The following TTC12 variants were observed in gnomAD, a reference collection of about 807,000 sequenced individuals.
TTC12 encodes the protein tetratricopeptide repeat protein 12.
Under a neutral mutation model 90.1 loss-of-function variants are expected in TTC12, and 70 were observed. That is an observed-to-expected ratio of 0.78 (90% CI 0.64 to 0.95). The LOEUF (loss-of-function observed/expected upper bound fraction) is 0.95, where lower values mean the gene tolerates loss of function less well. TTC12 is among the 40% of genes least tolerant of loss of function. The pLI, the probability that TTC12 is intolerant of heterozygous loss-of-function variation, is 0.00. For missense variants in TTC12, 819 were observed against 846.1 expected, an observed-to-expected ratio of 0.97 and a Z score of 0.40; for synonymous variants, 296 against 311.5, an observed-to-expected ratio of 0.95 and a Z score of 0.53.
intron 13 of TTC12, among the ~76,000 whole-genome samples, chr11:113,348,997 C>G (rs1565610593): frequency 6.6e-6 from 1 of 152,250 alleles, no homozygotes; most frequent in African/African-American, 2.4e-5. Context: ...CCTCTGTACC[C>G]ATCCCTGTGG....
chr11:113,320,807 G>A (rs782301890), intron 2 of TTC12, among the ~76,000 whole-genome samples: 13 of 152,208 alleles, frequency 8.5e-5, no homozygotes, highest in Non-Finnish European at 1.3e-4. Context: ...AGGGGTTTGA[G>A]CAGTGGTGGT....
chr11:113,334,886 C>CT, intron 7 of TTC12, 80 bp from the exon 8 acceptor site: 1 of 1,203,850 alleles, frequency 8.3e-7, no homozygotes, highest in South Asian at 1.3e-5. Flanking sequence ...CGCCTTAACT[C>CT]TTTTAGCTGT....
intron 3 of TTC12, 29 bp downstream of exon 3, chr11:113,323,480 A>AT: frequency 2.7e-6 from 4 of 1,487,356 alleles, no homozygotes; most frequent in South Asian, 1.5e-5. Context: ...AAGTTATATA[A>AT]GTACTTACAG....
downstream of TTC12, chr11:113,368,472 A>T: frequency 6.4e-7 from 1 of 1,550,450 alleles, no homozygotes; most frequent in Non-Finnish European, 8.7e-7. Flanking sequence ...AGGTAATCAG[A>T]GTCTTCTGGT....
At chr11:113,372,905 A>G (rs923395871) in intron 21 of TTC12, among the ~76,000 whole-genome samples, 1 of 152,116 alleles carries the variant, frequency 6.6e-6, no homozygotes, top group Non-Finnish European at 1.5e-5. Context: ...TCCCCACCAT[A>G]CCATCTCTCC....
intron 16 of TTC12, among the ~76,000 whole-genome samples, chr11:113,354,844 C>G (rs1482052196): frequency 6.6e-6 from 1 of 152,166 alleles, no homozygotes; most frequent in African/African-American, 2.4e-5. Context: ...TGATGTGCTG[C>G]TAGATTCAGT....
At chr11:113,347,432 C>A (rs1949031041) in intron 13 of TTC12, among the ~76,000 whole-genome samples, 1 of 152,136 alleles carries the variant, frequency 6.6e-6, no homozygotes. Context: ...TCGGGATGGG[C>A]ACTAACGCAG....
At chr11:113,367,622 A>G (rs1354599511), downstream of TTC12, among the ~76,000 whole-genome samples, 1 of 152,250 alleles carries the variant, frequency 6.6e-6, no homozygotes, top group South Asian at 2.1e-4. Context: ...ATGTTATTCA[A>G]CACACCCAAA....
intron 14 of TTC12, 110 bp downstream of exon 14, chr11:113,350,275 G>A: frequency 1.8e-5 from 15 of 816,188 alleles, no homozygotes; most frequent in South Asian, 1.7e-4. Context: ...CTCCAAGTGA[G>A]TATTGCAAGA....
rs10891537 is a variant in TTC12 at position 113,340,648 on chromosome 11, T to G, written c.827-16T>G. On this transcript the variant is annotated splice_polypyrimidine_tract_variant and intron_variant, in intron 10 of 21. Transcript: ENST00000529221. ...AGTTTGGGAGTCTGAAGTGGTTTTC[T>G]TTGTATCTGTTTCAGGCACAGAACA... 0.44 allele frequency: 701,721 copies of G among 1,608,818 alleles called. 164,606 individuals carry two copies. Among genetic ancestry groups the G allele is most frequent in the Non-Finnish European group, 0.48 (569,630 of 1,175,296 alleles).
intron 7 of TTC12, among the ~76,000 whole-genome samples, chr11:113,331,911 CTAAT>C (rs532070661): frequency 6.6e-6 from 1 of 152,140 alleles, no homozygotes; most frequent in Non-Finnish European, 1.5e-5. Flanking sequence ...GTTCTAAAAA[CTAAT>C]AATGATTTGT....
At chr11:113,364,746 G>A in intron 20 of TTC12, 89 bp from the exon 21 acceptor site, 1 of 1,051,930 alleles carries the variant, frequency 9.5e-7, no homozygotes, top group East Asian at 2.5e-5. Context: ...GGTGTCCGCT[G>A]ACATCTCCCT....
At chr11:113,324,814 G>T in intron 5 of TTC12, 132 bp downstream of exon 5, 2 of 712,784 alleles carry the variant, frequency 2.8e-6, no homozygotes, top group African/African-American at 3.6e-5. Flanking sequence ...TGAGGCAGTG[G>T]GACCTGGCCA....
At chr11:113,349,998 C>A in intron 13 of TTC12, 75 bp from the exon 14 acceptor site, 1 of 1,224,398 alleles carries the variant, frequency 8.2e-7, no homozygotes, top group Non-Finnish European at 1.2e-6. Context: ...TTTTTGGTTT[C>A]CTTGCAAGGT....
intron 1 of TTC12, 84 bp from the exon 2 acceptor site, chr11:113,316,159 C>G (rs149426125): frequency 3.4e-4 from 188 of 551,994 alleles, no homozygotes; most frequent in African/African-American, 3.0e-3. Context: ...TCACTTGGCT[C>G]TTAGTTTTAG....
chr11:113,371,755 A>G (rs1376357797), intron 21 of TTC12, among the ~76,000 whole-genome samples: 3 of 152,078 alleles, frequency 2.0e-5, no homozygotes, highest in Non-Finnish European at 4.4e-5. Context: ...AAATTTCATA[A>G]CCTCGCTTTA....
chr11:113,339,437 T>C lies in TTC12; in HGVS notation c.789T>C (p.Ala263=), dbSNP rs1306058963. 3.1e-6 allele frequency: 5 copies of C among 1,611,848 alleles called. No individual in the cohort carries two copies. The highest frequency in any genetic ancestry group is 4.2e-6 in the Non-Finnish European group (5 of 1,179,462). The change falls in exon 10 of 22, where the codon GCT becomes GCC. Residue 263 remains alanine (A), a synonymous_variant. Coordinates refer to ENST00000529221, the MANE Select transcript of TTC12 (RefSeq NM_017868.4). ...SKPDQIPLFY[A]GGIEILTEMI... is the part of the protein sequence containing the mutation. ...CTGACCAGATCCCCTTGTTCTATGC[T>C]GGGGGGATTGAGATCCTGACTGAAA...
chr11:113,358,804 G>T (rs1196690449), intron 16 of TTC12, among the ~76,000 whole-genome samples: 8 of 152,158 alleles, frequency 5.3e-5, no homozygotes, highest in Non-Finnish European at 1.0e-4. Flanking sequence ...AGAGGCCTAT[G>T]ATGAGATCAG....
intron 19 of TTC12, among the ~76,000 whole-genome samples, chr11:113,363,312 T>A (rs1950035480): frequency 6.6e-6 from 1 of 152,240 alleles, no homozygotes; most frequent in African/African-American, 2.4e-5. Flanking sequence ...TACCCATGCA[T>A]CACACGTGCA....
Sources: gnomAD v4.1 joint callset for allele counts (sites outside exome capture counted in the v4.1 genomes callset) on GRCh38, gnomAD v4.1.1 for gene constraint, MANE v1.5 for transcripts, NCBI Gene and HGNC (gene_info 2026-07-23, HGNC 2026-07-21) for gene names.